The following FAM110B variants were observed in gnomAD, a reference collection of about 807,000 sequenced individuals.
FAM110B encodes the protein protein FAM110B.
Under a neutral mutation model 20.4 loss-of-function variants are expected in FAM110B, and 6 were observed. The observed-to-expected ratio is 0.29, with a 90% CI of 0.16 to 0.58. The LOEUF is 0.58. Among genes scored for constraint, FAM110B ranks in the 20% least tolerant of loss-of-function variants. The pLI is 0.90. For missense variants in FAM110B, 434 were observed against 498.2 expected (o/e 0.87, Z 1.23); for synonymous variants, 226 against 214.1 (o/e 1.06, Z -0.49).
chr8:58,069,783 CTAT>C (rs1162375513), intron 2 of FAM110B, among the ~76,000 whole-genome samples: 1 of 152,160 alleles, frequency 6.6e-6, no homozygotes, highest in Non-Finnish European at 1.5e-5. Flanking sequence ...TATAGCACCA[CTAT>C]TATTTTCACA....
At chr8:58,134,384 T>G (rs1803560171) in intron 3 of FAM110B, among the ~76,000 whole-genome samples, 1 of 152,220 alleles carries the variant, frequency 6.6e-6, no homozygotes, top group African/African-American at 2.4e-5. Flanking sequence ...ATAAGCAGTC[T>G]CCATGTATTT....
intron 1 of FAM110B, among the ~76,000 whole-genome samples, chr8:58,013,408 C>T (rs180709764): frequency 5.3e-5 from 8 of 152,236 alleles, no homozygotes; most frequent in South Asian, 4.2e-4. Context: ...CCCAGCCTGG[C>T]GCACTTTTTG....
At chr8:58,136,510 G>T (rs77507628) in intron 3 of FAM110B, among the ~76,000 whole-genome samples, 1 of 152,130 alleles carries the variant, frequency 6.6e-6, no homozygotes, top group East Asian at 1.9e-4. Context: ...TGGATAGGGC[G>T]GCATTCTTAT....
chr8:58,066,714 G>A (rs976876835), intron 2 of FAM110B, among the ~76,000 whole-genome samples: 4 of 152,050 alleles, frequency 2.6e-5, no homozygotes, highest in South Asian at 2.1e-4. Flanking sequence ...GTGGCTCCCC[G>A]GACCTGGCTT....
intron 1 of FAM110B, among the ~76,000 whole-genome samples, chr8:58,006,619 TC>T (rs1486513945): frequency 1.3e-5 from 2 of 151,054 alleles, no homozygotes; most frequent in Non-Finnish European, 2.9e-5. Context: ...TTTTTTTTTT[TC>T]AATGCAGGGT....
rs373709359 is a variant in FAM110B, at chr8:58,131,173, A to T, written c.-324-14734A>T. Among the ~76,000 whole-genome samples the T allele has an allele frequency of 5.3e-5, 8 of 152,142 alleles. No homozygotes were observed. The East Asian group carries it at 7.7e-4, about 15-fold the overall frequency. The stretch of plus-strand genomic sequence containing the variant: ...ATAAGTCATTATTCTCTGGGTTCAA[A>T]TTTTTGGTCACATTTTAATCCCCCT... On this transcript the variant is annotated intron_variant, in intron 3 of 3. Transcript: ENST00000519262.
At chr8:58,144,322 G>T (rs547544196) in intron 3 of FAM110B, among the ~76,000 whole-genome samples, 1 of 152,312 alleles carries the variant, frequency 6.6e-6, no homozygotes, top group Non-Finnish European at 1.5e-5. Flanking sequence ...GCCTCCAGAG[G>T]AATCGGGGCT....
chr8:58,106,359 T>C (rs1806917975), intron 3 of FAM110B: 1 of 152,166 alleles, frequency 6.6e-6, no homozygotes, highest in Non-Finnish European at 1.5e-5. Context: ...AAGGTTGTCC[T>C]TGTGTTGCCT....
intron 2 of FAM110B, among the ~76,000 whole-genome samples, chr8:58,057,407 TG>T (rs1805569426): frequency 6.6e-6 from 1 of 152,228 alleles, no homozygotes; most frequent in Admixed American, 6.5e-5. Flanking sequence ...TTGGTAAGGC[TG>T]CCCTTCTGTA....
At chr8:58,054,998 A>G (rs1326051008) in intron 2 of FAM110B, among the ~76,000 whole-genome samples, 2 of 152,030 alleles carry the variant, frequency 1.3e-5, no homozygotes, top group Non-Finnish European at 2.9e-5. Context: ...AAGTGGTACC[A>G]TTTTTTAAAA....
At chr8:58,055,925 C>T (rs185534889) in intron 2 of FAM110B, among the ~76,000 whole-genome samples, 46 of 152,318 alleles carry the variant, frequency 3.0e-4, no homozygotes, top group Non-Finnish European at 5.9e-4. Flanking sequence ...CAAAGGGATT[C>T]GTATTTATGC....
intron 3 of FAM110B, among the ~76,000 whole-genome samples, chr8:58,078,106 A>G (rs1025563989): frequency 6.6e-6 from 1 of 152,264 alleles, no homozygotes; most frequent in African/African-American, 2.4e-5. Flanking sequence ...TTCTTAAATT[A>G]CAGATAAGCA....
intron 3 of FAM110B, among the ~76,000 whole-genome samples, chr8:58,117,330 G>A (rs1375858765): frequency 6.6e-6 from 1 of 152,156 alleles, no homozygotes; most frequent in East Asian, 1.9e-4. Context: ...ACCAGTATTC[G>A]AGAAAAGAGC....
chr8:58,128,462 T>G (rs1807566925), intron 3 of FAM110B, among the ~76,000 whole-genome samples: 1 of 152,166 alleles, frequency 6.6e-6, no homozygotes. Flanking sequence ...TGTTTTGAGT[T>G]TCCCCAGTCT....
chr8:58,146,849 A>G lies in FAM110B; in HGVS notation c.619A>G (p.Thr207Ala), dbSNP rs1051973816. Reference sequence around the variant, plus strand: ...CAGCTCTTCGGACATCCGCAAGGTGACCAGCGTGAAGCCCCTCAAGGCCAT... The same window carrying G: ...CAGCTCTTCGGACATCCGCAAGGTGGCCAGCGTGAAGCCCCTCAAGGCCAT... ...SHSSSDIRKV[T>A]SVKPLKAIPC... Residue 207 changes from threonine (T) to alanine (A), a missense_variant, in exon 4 of 4, where the codon ACC (threonine) becomes GCC (alanine). Around this residue, in one of 3 missense-constraint regions of FAM110B, gnomAD observed 284 missense variants for 278.3 expected, o/e 1.02. Transcript: ENST00000519262. 1 of 1,613,392 alleles carries G rather than the reference A, an allele frequency of 6.2e-7. No individual in the cohort carries two copies. Among genetic ancestry groups the G allele is most frequent in the African/African-American group, 1.3e-5 (1 of 75,022 alleles).
rs576353568 is a variant in FAM110B, at chr8:58,138,587, G to T, written c.-324-7320G>T. Among the ~76,000 whole-genome samples the T allele has an allele frequency of 5.9e-5, 9 of 152,270 alleles. No individual in the cohort carries two copies. In the South Asian group the frequency reaches 1.9e-3, roughly 32 times the overall value. ...ATGAGAGGAGGCTATGGCCACCATT[G>T]TGTAACTGAGCACCGAGTGAAGGGC... On this transcript the variant is annotated intron_variant, in intron 3 of 3. Coordinates refer to ENST00000519262, the MANE Select transcript of FAM110B (RefSeq NM_001377989.1).
At chr8:58,109,927 T>G (rs1807020889) in intron 3 of FAM110B, among the ~76,000 whole-genome samples, 1 of 152,164 alleles carries the variant, frequency 6.6e-6, no homozygotes, top group Admixed American at 6.5e-5. Context: ...AGCTGTAGAG[T>G]GGCTCAGCGA....
intron 1 of FAM110B, among the ~76,000 whole-genome samples, chr8:58,012,402 G>C (rs1804556784): frequency 6.6e-6 from 1 of 151,752 alleles, no homozygotes; most frequent in South Asian, 2.1e-4. Context: ...AAGTTATTTT[G>C]TTCAAACTTT....
intron 1 of FAM110B, among the ~76,000 whole-genome samples, chr8:57,999,996 G>A (rs542218974): frequency 6.6e-6 from 1 of 152,322 alleles, no homozygotes; most frequent in South Asian, 2.1e-4. Flanking sequence ...CCGAAGGACT[G>A]TAGTCAACAA....
Sources: allele counts gnomAD v4.1 joint callset (sites outside exome capture counted in the v4.1 genomes callset), GRCh38; gene constraint gnomAD v4.1.1; regional missense constraint gnomAD v4.1.1; transcripts MANE v1.5; gene names NCBI Gene and HGNC (gene_info 2026-07-23, HGNC 2026-07-21).